The following ZNRF3 variants were observed in gnomAD, a reference collection of about 807,000 sequenced individuals.
The protein encoded by ZNRF3 is zinc and ring finger 3.
In ZNRF3, 23 loss-of-function variants were observed where a neutral mutation model predicts 72.5. The ratio of observed to expected loss-of-function variants is 0.32; its 90% CI spans 0.23 to 0.45. The LOEUF is 0.45. ZNRF3 is among the 20% of genes least tolerant of loss of function. ZNRF3 has a pLI of 1.00. For synonymous variants in ZNRF3, 610 were observed against 545.3 expected (o/e 1.12, Z -1.65); for missense variants, 1,169 against 1,272.1 (o/e 0.92, Z 1.23).
chr22:28,987,016 T>C (rs1415384205), intron 1 of ZNRF3, 60 bp from the exon 2 acceptor site: 20 of 1,569,804 alleles, frequency 1.3e-5, no homozygotes, highest in Non-Finnish European at 1.7e-6. Flanking sequence ...AAATACACAA[T>C]ATGAGTCAAG....
chr22:29,017,031 C>T (rs115134039), intron 2 of ZNRF3, among the ~76,000 whole-genome samples: 4,390 of 152,210 alleles, frequency 0.029, 108 homozygotes, highest in African/African-American at 0.068. Context: ...AAAGACAGGC[C>T]CAGCCTCTGG....
In ZNRF3 at chr22:28,944,959, A is replaced by AAAT. The variant is rs199573329; in HGVS notation, c.301-42106_301-42104dup. ...TAAATAAATAAATAAATAAATAAAT[A>AAAT]AATAATAATAATACTCATACTCCTT... is the stretch of plus-strand genomic sequence containing the variant. On this transcript the variant is annotated intron_variant, in intron 1 of 8. Transcript: ENST00000544604. Among the ~76,000 whole-genome samples, 423 of 132,986 alleles carry AAAT rather than the reference A, an allele frequency of 3.2e-3. 14 individuals carry two copies. In the East Asian group the frequency reaches 0.058, roughly 18 times the overall value. The allele number at this position is 132,986 out of a possible 152,430, so 87.2% of individuals were successfully genotyped here. A position where few individuals can be genotyped will look rare whatever the true frequency, so the allele number is the denominator to read the frequency against.
intron 1 of ZNRF3, among the ~76,000 whole-genome samples, chr22:28,889,157 G>C (rs2033843541): frequency 6.6e-6 from 1 of 152,096 alleles, no homozygotes; most frequent in East Asian, 1.9e-4. Flanking sequence ...GCTTGTTCTT[G>C]TTTTTGCCAA....
intron 1 of ZNRF3, among the ~76,000 whole-genome samples, chr22:28,886,982 TGA>T (rs2033799985): frequency 6.6e-6 from 1 of 151,782 alleles, no homozygotes; most frequent in African/African-American, 2.4e-5. Context: ...ACAAAAACTG[TGA>T]TTTGCTGCTT....
chr22:28,899,792 C>T (rs777978080), intron 1 of ZNRF3, among the ~76,000 whole-genome samples: 12 of 150,594 alleles, frequency 8.0e-5, no homozygotes, highest in South Asian at 2.1e-4. Context: ...TAGGCTCAAA[C>T]GATCCTCCCA....
intron 8 of ZNRF3, among the ~76,000 whole-genome samples, 157 bp downstream of exon 8, chr22:29,051,105 C>T (rs2037197962): frequency 6.6e-6 from 1 of 152,156 alleles, no homozygotes; most frequent in African/African-American, 2.4e-5. Context: ...CAGCCTGGCC[C>T]TCCCTTGGAG....
At chr22:28,898,767 T>C (rs1052786005) in intron 1 of ZNRF3, among the ~76,000 whole-genome samples, 3 of 152,224 alleles carry the variant, frequency 2.0e-5, no homozygotes, top group Non-Finnish European at 2.9e-5. Flanking sequence ...TTAAAAGGAC[T>C]GTAGTAGTAT....
At chr22:28,938,163 T>G (rs1569253184) in intron 1 of ZNRF3, among the ~76,000 whole-genome samples, 1 of 152,178 alleles carries the variant, frequency 6.6e-6, no homozygotes, top group Non-Finnish European at 1.5e-5. Flanking sequence ...TCAGAGTATT[T>G]TTTATATATT....
In ZNRF3 at chr22:29,049,313, A is replaced by G. The variant is rs2037135183; in HGVS notation, c.1132A>G (p.Ile378Val). ...YPGRVHRTNA[I>V]PAYPTRTSMD... ...CGGCCGCGTGCACAGGACCAACGCC[A>G]TCCCAGCCTACCCTACGAGGACAAG... Residue 378 changes from isoleucine (I) to valine (V), a missense_variant, in exon 8 of 9, where the codon ATC becomes GTC. By Grantham distance (29) the Ile-to-Val change is conservative. Around this residue, in one of 2 missense-constraint regions of ZNRF3, gnomAD observed 386 missense variants for 540.7 expected, o/e 0.71. Transcript: ENST00000544604. The surrounding 1 kb of genome is among the most constrained non-coding windows in gnomAD (Gnocchi z 5.2). 1 of 1,613,814 alleles carries G rather than the reference A, an allele frequency of 6.2e-7. No homozygotes were observed. Among genetic ancestry groups the G allele is most frequent in the Non-Finnish European group, 8.5e-7 (1 of 1,180,008 alleles).
At position 29,050,785 on chromosome 22, in the gene ZNRF3, G is replaced by T; in HGVS notation, c.2604G>T (p.Arg868Ser). Reference sequence around the variant, plus strand: ...GCCCGGATACCCCACGGCCCCACAGGGGCCTGGGAGCAACCCGGGAAGAGG... The same window carrying T: ...GCCCGGATACCCCACGGCCCCACAGTGGCCTGGGAGCAACCCGGGAAGAGG... ...TRGPDTPRPH[R>S]GLGATREEER... The change falls in exon 8 of 9, where the codon AGG becomes AGT. Residue 868 changes from arginine to serine, a missense_variant. Physicochemically the swap from Arg to Ser is moderately radical, Grantham distance 110. Around this residue, in one of 2 missense-constraint regions of ZNRF3, gnomAD observed 783 missense variants for 731.4 expected, o/e 1.07. Coordinates refer to ENST00000544604, the MANE Select transcript of ZNRF3 (RefSeq NM_001206998.2). The T allele has an allele frequency of 6.2e-7, 1 of 1,607,586 alleles. No homozygotes were observed. Among genetic ancestry groups the T allele is most frequent in the East Asian group, 2.2e-5 (1 of 44,622 alleles).
chr22:28,970,571 G>C (rs2035553472), intron 1 of ZNRF3, among the ~76,000 whole-genome samples: 1 of 152,196 alleles, frequency 6.6e-6, no homozygotes, highest in Non-Finnish European at 1.5e-5. Context: ...ATCCGTGGCA[G>C]CTTTATTTGT....
chr22:28,900,173 A>G (rs1347052994), intron 1 of ZNRF3, among the ~76,000 whole-genome samples: 2 of 152,052 alleles, frequency 1.3e-5, no homozygotes, highest in Non-Finnish European at 2.9e-5. Context: ...AGGAAGGATA[A>G]ATGGGGGACT....
intron 2 of ZNRF3, among the ~76,000 whole-genome samples, chr22:29,028,898 G>A (rs1458639458): frequency 6.6e-6 from 1 of 152,222 alleles, no homozygotes; most frequent in African/African-American, 2.4e-5. Flanking sequence ...AGGGTGAGGA[G>A]TCCAAGGGGA....
At position 29,049,415 on chromosome 22, in the gene ZNRF3, AC is replaced by A; in HGVS notation, c.1239del (p.Ala414ProfsTer38). On this transcript the variant is annotated frameshift_variant, in exon 8 of 9. Coordinates refer to ENST00000544604, the MANE Select transcript of ZNRF3 (RefSeq NM_001206998.2). LOFTEE classifies it high-confidence loss of function. The surrounding 1 kb of genome is among the most constrained non-coding windows in gnomAD (Gnocchi z 5.2). ...GGAGCAGAGCCTCTATTCCCCGCAG[AC>A]CCCCGCCTACATCCGCAGCTACCCA... ...HGEQSLYSPQ[T>X]PAYIRSYPPL... is the part of the protein sequence containing the mutation. 1 of 1,606,726 alleles carries A rather than the reference AC, an allele frequency of 6.2e-7. No individual in the cohort carries two copies.
rs1009905996 is a variant in ZNRF3, at chr22:29,048,075, G to T, written c.913-314G>T. ...AGCCTCCCATCCTCACTAGCAGGAGGACTCGGCCCTCCCTGGGTGGAGGCA... is the reference window on the plus strand; with the variant it reads ...AGCCTCCCATCCTCACTAGCAGGAGTACTCGGCCCTCCCTGGGTGGAGGCA... On this transcript the variant is annotated intron_variant, in intron 6 of 8. Transcript: ENST00000544604. The surrounding 1 kb of genome is among the most constrained non-coding windows in gnomAD (Gnocchi z 4.9). Among the ~76,000 whole-genome samples the T allele has an allele frequency of 2.6e-5, 4 of 152,072 alleles. No homozygotes were observed. The highest frequency in any genetic ancestry group is 5.9e-5 in the Non-Finnish European group (4 of 68,014).
chr22:28,995,118 G>A (rs2036025183), intron 2 of ZNRF3, among the ~76,000 whole-genome samples: 1 of 152,244 alleles, frequency 6.6e-6, no homozygotes, highest in African/African-American at 2.4e-5. Context: ...CAAAGTGGAT[G>A]GAGGATAGGA....
intron 1 of ZNRF3, among the ~76,000 whole-genome samples, chr22:28,960,232 T>C (rs1003794415): frequency 6.6e-6 from 1 of 152,204 alleles, no homozygotes; most frequent in African/African-American, 2.4e-5. Flanking sequence ...GTGGCTGGAC[T>C]GTGCATTTTT....
chr22:28,886,451 A>T (rs1246887774), intron 1 of ZNRF3, among the ~76,000 whole-genome samples: 1 of 151,434 alleles, frequency 6.6e-6, no homozygotes, highest in African/African-American at 2.4e-5. Flanking sequence ...CTTTAAATAA[A>T]CCTCCTTTTG....
At chr22:28,961,402 GAGCTTAA>G (rs1569262176) in intron 1 of ZNRF3, among the ~76,000 whole-genome samples, 2 of 152,174 alleles carry the variant, frequency 1.3e-5, no homozygotes, top group African/African-American at 4.8e-5. Flanking sequence ...TGTGATAGTT[GAGCTTAA>G]AGTGTCAAAA....
Sources: allele counts gnomAD v4.1 joint callset (sites outside exome capture counted in the v4.1 genomes callset), GRCh38; gene constraint gnomAD v4.1.1; regional missense constraint gnomAD v4.1.1; non-coding constraint Gnocchi (gnomAD v3.1); transcripts MANE v1.5; gene names NCBI Gene and HGNC (gene_info 2026-07-23, HGNC 2026-07-21).